The following SLC49A4 variants were observed in gnomAD, a reference collection of about 807,000 sequenced individuals.
The protein encoded by SLC49A4 is solute carrier family 49 member 4, also known as disrupted in renal cancer protein 2.
A neutral mutation model predicts 50.6 loss-of-function variants in SLC49A4; 36 were observed. The ratio of observed to expected loss-of-function variants is 0.71; its 90% confidence interval spans 0.55 to 0.94. SLC49A4 has a LOEUF of 0.94. Among genes scored for constraint, SLC49A4 ranks in the 40% least tolerant of loss-of-function variants. The pLI is 0.00. For synonymous variants in SLC49A4, 248 were observed against 241.2 expected, an observed-to-expected ratio of 1.03 and a Z score of -0.26; for missense variants, 503 against 605.7, an observed-to-expected ratio of 0.83 and a Z score of 1.78.
At chr3:122,813,550 T>G (rs1288178699) in intron 2 of SLC49A4, among the ~76,000 whole-genome samples, 1 of 152,146 alleles carries the variant, frequency 6.6e-6, no homozygotes, top group African/African-American at 2.4e-5. Flanking sequence ...ATCACAATCA[T>G]GAATGGATAG....
At chr3:122,837,606 C>G (rs1398160721) in intron 4 of SLC49A4, among the ~76,000 whole-genome samples, 1 of 152,142 alleles carries the variant, frequency 6.6e-6, no homozygotes, top group Non-Finnish European at 1.5e-5. Context: ...ACCATAAAAA[C>G]CCTAGAAGAA....
chr3:122,816,301 C>G (rs768994619), intron 2 of SLC49A4, among the ~76,000 whole-genome samples: 1 of 152,168 alleles, frequency 6.6e-6, no homozygotes, highest in Admixed American at 6.5e-5. Flanking sequence ...CTTAGCAGAG[C>G]TCTTGTCCCT....
intron 2 of SLC49A4, among the ~76,000 whole-genome samples, chr3:122,815,453 G>A (rs1325372853): frequency 6.6e-6 from 1 of 152,162 alleles, no homozygotes; most frequent in Non-Finnish European, 1.5e-5. Flanking sequence ...CATGGATCTG[G>A]AAGAGAGGTT....
rs1242916810 is a variant in SLC49A4, at chr3:122,795,141, C to T, written c.-52C>T. On this transcript the variant is annotated 5_prime_UTR_variant, in exon 1 of 9. Transcript: ENST00000261038. ...CAGGACTATTCTGCGCTGGGCTAGTCGGCGGTGACCCGGACTGCGCCCGGC... is the reference window on the plus strand; with the variant it reads ...CAGGACTATTCTGCGCTGGGCTAGTTGGCGGTGACCCGGACTGCGCCCGGC... 1.5e-5 allele frequency: 20 copies of T among 1,300,704 alleles called. No homozygotes were observed. In the East Asian group the frequency reaches 4.8e-4, roughly 31 times the overall value. 80.6% of individuals were successfully genotyped at this position (1,300,704 alleles called of 1,614,324 possible).
chr3:122,807,226 A>T (rs200921323), intron 2 of SLC49A4, among the ~76,000 whole-genome samples: 1 of 16,534 alleles, frequency 6.0e-5, no homozygotes, highest in African/African-American at 1.5e-4. Context: ...ATAACATATT[A>T]TATATATATA....
Position 122,879,575 on chromosome 3 carries a change from G to C in SLC49A4, c.*197G>C. The C allele has an allele frequency of 2.1e-6, 1 of 466,860 alleles. No homozygotes were observed. Among genetic ancestry groups the C allele is most frequent in the Non-Finnish European group, 3.8e-6 (1 of 265,808 alleles). 28.9% of individuals were successfully genotyped at this position (466,860 alleles called of 1,614,324 possible). ...AATGGGAGACTTGAGTGATAATAGG[G>C]GATTTTAAAACTCTACAGATGGCAT... On this transcript the variant is annotated 3_prime_UTR_variant, in exon 9 of 9. Coordinates refer to ENST00000261038, the MANE Select transcript of SLC49A4 (RefSeq NM_032839.3).
intron 3 of SLC49A4, among the ~76,000 whole-genome samples, chr3:122,829,645 G>A (rs911309245): frequency 5.3e-5 from 8 of 152,200 alleles, no homozygotes; most frequent in African/African-American, 1.9e-4. Flanking sequence ...AGTTACTCGG[G>A]AGGCTGAGGC....
chr3:122,846,287 C>T (rs1468785774), intron 5 of SLC49A4, among the ~76,000 whole-genome samples: 1 of 152,086 alleles, frequency 6.6e-6, no homozygotes, highest in Non-Finnish European at 1.5e-5. Context: ...AACATTTCAC[C>T]TATATGCTTG....
chr3:122,836,545 G>T (rs1353925819), intron 4 of SLC49A4, among the ~76,000 whole-genome samples: 2 of 151,882 alleles, frequency 1.3e-5, no homozygotes, highest in Admixed American at 1.3e-4. Flanking sequence ...TTTTTCTATT[G>T]ATTGGAATAG....
chr3:122,877,563 C>T (rs1937281368), intron 8 of SLC49A4, among the ~76,000 whole-genome samples: 1 of 152,214 alleles, frequency 6.6e-6, no homozygotes, highest in South Asian at 2.1e-4. Flanking sequence ...GTGTGTTGCT[C>T]TAGTTCCCCA....
intron 4 of SLC49A4, among the ~76,000 whole-genome samples, chr3:122,844,460 A>G (rs1413151465): frequency 4.6e-5 from 7 of 152,208 alleles, no homozygotes; most frequent in Non-Finnish European, 2.9e-5. Flanking sequence ...CAATATGAAC[A>G]AAATATTATT....
At chr3:122,815,946 T>C (rs1936361082) in intron 2 of SLC49A4, among the ~76,000 whole-genome samples, 1 of 152,250 alleles carries the variant, frequency 6.6e-6, no homozygotes, top group Non-Finnish European at 1.5e-5. Flanking sequence ...CCTCAAATGC[T>C]TAATAGTCTT....
rs1553759213 is a variant in SLC49A4 at position 122,795,072 on chromosome 3, C to CCGGAGG, written c.-119_-114dup. Reference sequence around the variant, plus strand: ...GCCGCGCAGGCGCACCAGGCGCGGTCCGGAGGCCGAGGGCGACCACAGCAG... The same window carrying CCGGAGG: ...GCCGCGCAGGCGCACCAGGCGCGGTCCGGAGGCGGAGGCCGAGGGCGACCACAGCAG... On this transcript the variant is annotated 5_prime_UTR_variant, in exon 1 of 9. Coordinates refer to ENST00000261038, the MANE Select transcript of SLC49A4 (RefSeq NM_032839.3). The CCGGAGG allele has an allele frequency of 8.6e-7, 1 of 1,165,708 alleles. No homozygotes were observed. The highest frequency in any genetic ancestry group is 1.1e-6 in the Non-Finnish European group (1 of 932,028). The allele number at this position is 1,165,708 out of a possible 1,614,324, so 72.2% of individuals were successfully genotyped here.
chr3:122,803,081 C>T (rs1372253636), intron 1 of SLC49A4, among the ~76,000 whole-genome samples: 2 of 152,126 alleles, frequency 1.3e-5, no homozygotes, highest in Non-Finnish European at 2.9e-5. Flanking sequence ...TATAAACCCA[C>T]AAATCTAAGA....
intron 7 of SLC49A4, among the ~76,000 whole-genome samples, chr3:122,870,567 G>A (rs1461462507): frequency 1.3e-5 from 2 of 151,016 alleles, no homozygotes; most frequent in Admixed American, 1.3e-4. Flanking sequence ...CCAGCACTTT[G>A]GGGGGCTGAG....
intron 8 of SLC49A4, among the ~76,000 whole-genome samples, chr3:122,877,958 G>A (rs1160402835): frequency 6.6e-6 from 1 of 152,158 alleles, no homozygotes; most frequent in Non-Finnish European, 1.5e-5. Context: ...ACATACTATA[G>A]AATAGCATGT....
chr3:122,824,205 A>G (rs1221675433), intron 2 of SLC49A4, among the ~76,000 whole-genome samples: 1 of 152,214 alleles, frequency 6.6e-6, no homozygotes, highest in Non-Finnish European at 1.5e-5. Context: ...GCTTATTTTA[A>G]TTCCTGAGAT....
intron 5 of SLC49A4, among the ~76,000 whole-genome samples, chr3:122,850,040 T>G (rs1414403558): frequency 6.6e-6 from 1 of 152,182 alleles, no homozygotes; most frequent in African/African-American, 2.4e-5. Context: ...TATATAAACA[T>G]GCTCTTTGAT....
intron 2 of SLC49A4, 114 bp downstream of exon 2, chr3:122,807,064 A>G (rs908824054): frequency 3.3e-5 from 19 of 569,722 alleles, no homozygotes; most frequent in African/African-American, 2.3e-4. Flanking sequence ...TTTACTCTAT[A>G]TGATGATTAA....
Sources: gnomAD v4.1 joint callset for allele counts (sites outside exome capture counted in the v4.1 genomes callset) on GRCh38, gnomAD v4.1.1 for gene constraint, MANE v1.5 for transcripts, NCBI Gene and HGNC (gene_info 2026-07-23, HGNC 2026-07-21) for gene names.